The following VPS54 variants were observed in gnomAD, a reference collection of about 807,000 sequenced individuals.
VPS54 encodes vacuolar protein sorting-associated protein 54.
Under a neutral mutation model 121.5 loss-of-function variants are expected in VPS54, and 45 were observed. The observed-to-expected ratio is 0.37, with a 90% CI of 0.29 to 0.47. The LOEUF (loss-of-function observed/expected upper bound fraction) is 0.47, where lower values mean the gene tolerates loss of function less well. VPS54 is among the 20% of genes least tolerant of loss of function. The pLI, the probability that VPS54 is intolerant of heterozygous loss-of-function variation, is 0.99. For missense variants in VPS54, 1,090 were observed against 1,131.4 expected (o/e 0.96, Z 0.52); for synonymous variants, 371 against 385.8 (o/e 0.96, Z 0.45).
At chr2:63,921,969 G>A (rs190875469) in intron 12 of VPS54, among the ~76,000 whole-genome samples, 24 of 152,320 alleles carry the variant, frequency 1.6e-4, no homozygotes, top group African/African-American at 5.3e-4. Flanking sequence ...TGATACAGTG[G>A]AAGCAAGAAG....
chr2:63,924,440 G>A (rs560211136), intron 12 of VPS54, among the ~76,000 whole-genome samples: 18 of 152,268 alleles, frequency 1.2e-4, no homozygotes, highest in Non-Finnish European at 2.4e-4. Flanking sequence ...AATCTAAAAT[G>A]TATATGGATT....
intron 11 of VPS54, among the ~76,000 whole-genome samples, chr2:63,939,112 A>C (rs1326456342): frequency 6.6e-6 from 1 of 152,164 alleles, no homozygotes; most frequent in Non-Finnish European, 1.5e-5. Flanking sequence ...AAAAAGTATA[A>C]TACTAAATCC....
At chr2:64,005,269 A>C (rs554622053) in intron 1 of VPS54, among the ~76,000 whole-genome samples, 1 of 146,962 alleles carries the variant, frequency 6.8e-6, no homozygotes, top group African/African-American at 2.5e-5. Flanking sequence ...GCGCCCGGCT[A>C]ATTTTTTGTA....
At position 63,981,777 on chromosome 2, in the gene VPS54, C is replaced by T; in HGVS notation, c.247G>A (p.Ala83Thr). 1.2e-6 allele frequency: 2 copies of T among 1,613,706 alleles called. No homozygotes were observed. The highest frequency in any genetic ancestry group is 1.7e-6 in the Non-Finnish European group (2 of 1,179,774). ...LPAALNDPRL[A>T]KRESDFFTKT... ...GTGAAGAAGTCAGATTCTCTTTTTG[C>T]TAATCTAGGATCGTTTAATGCTGCT... The change falls in exon 3 of 23, where the codon GCA becomes ACA. Residue 83 changes from alanine to threonine, a missense_variant. Around this residue, in one of 2 missense-constraint regions of VPS54, gnomAD observed 801 missense variants for 757.0 expected, o/e 1.06. Transcript: ENST00000272322.
intron 22 of VPS54, among the ~76,000 whole-genome samples, chr2:63,896,484 C>T (rs1672450460): frequency 6.6e-6 from 1 of 152,022 alleles, no homozygotes; most frequent in Non-Finnish European, 1.5e-5. Context: ...TTTTTGAAAA[C>T]AAATAATTCT....
chr2:64,004,683 C>T (rs1678042710), intron 1 of VPS54, among the ~76,000 whole-genome samples: 1 of 152,188 alleles, frequency 6.6e-6, no homozygotes. Flanking sequence ...TGGATACCTT[C>T]TTAGAATAAT....
chr2:63,989,657 G>A (rs545129964), intron 1 of VPS54, among the ~76,000 whole-genome samples: 3 of 152,232 alleles, frequency 2.0e-5, no homozygotes, highest in East Asian at 1.9e-4. Flanking sequence ...ATGCTTGTTC[G>A]ACTCCCTGAC....
intron 7 of VPS54, among the ~76,000 whole-genome samples, chr2:63,950,650 C>G (rs968296392): frequency 6.6e-6 from 1 of 152,178 alleles, no homozygotes; most frequent in African/African-American, 2.4e-5. Context: ...GGGTTAGCAG[C>G]TTTATAGATA....
chr2:63,917,000 C>T, intron 15 of VPS54, 37 bp from the exon 16 acceptor site: 1 of 1,601,406 alleles, frequency 6.2e-7, no homozygotes, highest in East Asian at 2.2e-5. Context: ...GACAAGAGTA[C>T]CAGACGAAAC....
chr2:63,919,453 C>T (rs570922726), intron 15 of VPS54, among the ~76,000 whole-genome samples: 5 of 152,176 alleles, frequency 3.3e-5, no homozygotes, highest in African/African-American at 1.2e-4. Context: ...AGCTAACTAG[C>T]GCTTACTCAA....
intron 22 of VPS54, among the ~76,000 whole-genome samples, chr2:63,893,905 T>TA (rs2104387898): frequency 6.6e-6 from 1 of 152,270 alleles, no homozygotes; most frequent in Non-Finnish European, 1.5e-5. Flanking sequence ...ACTAAAATAG[T>TA]AAACTCAAGG....
At chr2:63,960,404 CAT>C (rs1675701879) in intron 7 of VPS54, among the ~76,000 whole-genome samples, 2 of 152,122 alleles carry the variant, frequency 1.3e-5, no homozygotes, top group East Asian at 3.8e-4. Flanking sequence ...CCCAATAAAT[CAT>C]AAACTACTGA....
At chr2:63,916,692 A>G (rs1163934901) in intron 16 of VPS54, among the ~76,000 whole-genome samples, 1 of 152,152 alleles carries the variant, frequency 6.6e-6, no homozygotes, top group African/African-American at 2.4e-5. Flanking sequence ...AAGCCAGTGC[A>G]GTCCTTAATA....
chr2:63,955,670 C>T (rs996161170), intron 7 of VPS54, among the ~76,000 whole-genome samples: 1 of 151,934 alleles, frequency 6.6e-6, no homozygotes, highest in African/African-American at 2.4e-5. Flanking sequence ...CCAAACAGTA[C>T]TTATTTTATA....
chr2:63,909,593 T>C (rs1248911440), intron 20 of VPS54, among the ~76,000 whole-genome samples: 1 of 151,662 alleles, frequency 6.6e-6, no homozygotes, highest in African/African-American at 2.4e-5. Context: ...CTAATTTTTG[T>C]ATTTTTAGTA....
chr2:63,909,953 C>T (rs1487101840), intron 20 of VPS54, among the ~76,000 whole-genome samples: 1 of 152,054 alleles, frequency 6.6e-6, no homozygotes, highest in Non-Finnish European at 1.5e-5. Flanking sequence ...TCTTGAACTC[C>T]TGACCTCAGG....
intron 1 of VPS54, among the ~76,000 whole-genome samples, chr2:63,995,763 C>T (rs868077745): frequency 2.6e-5 from 4 of 152,310 alleles, no homozygotes; most frequent in South Asian, 4.1e-4. Flanking sequence ...TTCCGTATCA[C>T]CCTGTATTCC....
At chr2:63,972,773 G>A (rs1676345248) in intron 3 of VPS54, among the ~76,000 whole-genome samples, 2 of 151,972 alleles carry the variant, frequency 1.3e-5, no homozygotes, top group Non-Finnish European at 2.9e-5. Flanking sequence ...AGCTATTGGG[G>A]AGGCTGAGGC....
chr2:63,965,997 A>T (rs201129085), intron 5 of VPS54, 31 bp from the exon 6 acceptor site: 1 of 1,593,594 alleles, frequency 6.3e-7, no homozygotes, highest in African/African-American at 1.4e-5. Flanking sequence ...CCTCAATTAG[A>T]TAAGTATTTT....
Sources: gnomAD v4.1 joint callset for allele counts (sites outside exome capture counted in the v4.1 genomes callset) on GRCh38, gnomAD v4.1.1 for gene constraint, gnomAD v4.1.1 regional missense constraint, MANE v1.5 for transcripts, NCBI Gene and HGNC (gene_info 2026-07-23, HGNC 2026-07-21) for gene names.